The following PAQR5 variants were observed in gnomAD, a reference collection of about 807,000 sequenced individuals.
The protein encoded by PAQR5 is membrane progestin receptor gamma.
PAQR5 carries 20 observed loss-of-function variants against 34.5 expected under a neutral mutation model. The ratio of observed to expected loss-of-function variants is 0.58; its 90% CI spans 0.41 to 0.84. PAQR5 has a LOEUF of 0.84. Ranked by LOEUF, PAQR5 falls within the 40% of genes least tolerant of loss-of-function variation. The probability of loss-of-function intolerance (pLI) is 0.00; values close to 1 mark genes in which losing one functional copy is unlikely to be tolerated. For missense variants in PAQR5, 378 were observed against 412.7 expected, an observed-to-expected ratio of 0.92 and a Z score of 0.73; for synonymous variants, 131 against 155.6, an observed-to-expected ratio of 0.84 and a Z score of 1.18.
In PAQR5 at chr15:69,360,668, C is replaced by T. The variant is rs185879276; in HGVS notation, c.51+537C>T. On this transcript the variant is annotated intron_variant, in intron 3 of 8. Transcript: ENST00000395407. ...GAAATATGTGAGACTCACTGATGAT[C>T]TGCTTTACTAAGCCATAGGTGAGCC... is the stretch of plus-strand genomic sequence containing the variant. Among the ~76,000 whole-genome samples, 68 of 152,340 alleles carry T rather than the reference C, an allele frequency of 4.5e-4. 2 individuals are homozygous for T. The East Asian group carries it at 0.012, about 26-fold the overall frequency.
At chr15:69,315,943 C>G (rs1333030145) in intron 1 of PAQR5, among the ~76,000 whole-genome samples, 1 of 152,148 alleles carries the variant, frequency 6.6e-6, no homozygotes, top group East Asian at 1.9e-4. Flanking sequence ...CAAGGCCAGC[C>G]TGGAGCCTCA....
At chr15:69,313,774 G>A (rs1464003469) in intron 1 of PAQR5, among the ~76,000 whole-genome samples, 1 of 152,112 alleles carries the variant, frequency 6.6e-6, no homozygotes, top group Non-Finnish European at 1.5e-5. Flanking sequence ...GGGTGGGGGG[G>A]TGACAGGTGA....
intron 1 of PAQR5, among the ~76,000 whole-genome samples, chr15:69,329,452 A>C (rs976020505): frequency 1.0e-5 from 1 of 95,854 alleles, no homozygotes; most frequent in Non-Finnish European, 2.2e-5. Flanking sequence ...ACCTAAATTT[A>C]TTTTTTCTTT....
chr15:69,367,639 G>A (rs1053746469), intron 3 of PAQR5, among the ~76,000 whole-genome samples: 1 of 152,190 alleles, frequency 6.6e-6, no homozygotes, highest in African/African-American at 2.4e-5. Context: ...CAGAAACTAG[G>A]CAGGGCTGGG....
At chr15:69,315,105 T>C (rs898190013) in intron 1 of PAQR5, among the ~76,000 whole-genome samples, 4 of 152,030 alleles carry the variant, frequency 2.6e-5, no homozygotes, top group Admixed American at 1.3e-4. Context: ...CCCTTGGGCT[T>C]CCCAGGGGAC....
At position 69,397,561 on chromosome 15, in the gene PAQR5, C is replaced by G; in HGVS notation, c.606C>G (p.Tyr202Ter). 1 of 1,595,882 alleles carries G rather than the reference C, an allele frequency of 6.3e-7. No individual in the cohort carries two copies. The highest frequency in any genetic ancestry group is 8.6e-7 in the Non-Finnish European group (1 of 1,163,332). ...CCTGGGACTCCCTCCCCATCTTCTA[C>G]AGGGTAAGGACTGGCTGCATCTCCT... The part of the protein sequence containing the change: ...PYTWDSLPIF[Y>*]RLFLFPGESA... The change falls in exon 7 of 9, where the codon TAC becomes TAG. Residue 202 changes from tyrosine (Y) to a stop codon, truncating the protein, a stop_gained. Coordinates refer to ENST00000395407, the MANE Select transcript of PAQR5 (RefSeq NM_017705.4). LOFTEE classifies it high-confidence loss of function.
intron 1 of PAQR5, among the ~76,000 whole-genome samples, chr15:69,329,554 G>A (rs1314801136): frequency 7.8e-6 from 1 of 127,708 alleles, no homozygotes; most frequent in African/African-American, 3.0e-5. Flanking sequence ...GTGCAATCTT[G>A]GCTCACTGCA....
At chr15:69,394,425 A>C (rs2056357564) in intron 6 of PAQR5, among the ~76,000 whole-genome samples, 1 of 152,150 alleles carries the variant, frequency 6.6e-6, no homozygotes, top group Non-Finnish European at 1.5e-5. Context: ...CTACACAATA[A>C]AACAACCATA....
In PAQR5 at chr15:69,407,012, A is replaced by C. The variant is rs1338697105; in HGVS notation, c.*3190A>C. ...TTCCCCCTGCTGCCCCGCCCAGTAG[A>C]AACTTGCTCATATGAGAGGTTCTGA... On this transcript the variant is annotated 3_prime_UTR_variant, in exon 9 of 9. Transcript: ENST00000395407. The C allele has an allele frequency of 6.6e-6, 1 of 152,422 alleles. No individual in the cohort carries two copies. The highest frequency in any genetic ancestry group is 2.4e-5 in the African/African-American group (1 of 41,472). 9.4% of individuals were successfully genotyped at this position (152,422 alleles called of 1,614,324 possible).
intron 7 of PAQR5, among the ~76,000 whole-genome samples, chr15:69,397,981 G>T (rs1567043352): frequency 6.6e-6 from 1 of 152,208 alleles, no homozygotes; most frequent in Non-Finnish European, 1.5e-5. Context: ...GCCTGGGGCT[G>T]AGTGGAGTGA....
Position 69,404,136 on chromosome 15 carries a change from T to C in PAQR5, c.*314T>C, listed in dbSNP as rs188100327. The C allele has an allele frequency of 4.3e-4, 120 of 279,238 alleles. No individual in the cohort carries two copies. Among genetic ancestry groups the C allele is most frequent in the Non-Finnish European group, 6.6e-4 (96 of 146,532 alleles). The allele number at this position is 279,238 out of a possible 1,614,324, so 17.3% of individuals were successfully genotyped here. On this transcript the variant is annotated 3_prime_UTR_variant, in exon 9 of 9. Transcript: ENST00000395407. ...TCTATTTAAACATTTGGATTAAGCA[T>C]ATTACTCTGGAGCTTTGTATTATTC... is the stretch of plus-strand genomic sequence containing the variant.
Position 69,360,016 on chromosome 15 carries a change from C to A in PAQR5, c.-65C>A. ...AGAGACGCCCCAGGCCATGTTAGAG[C>A]TTTGAGTGAGGCCTGGTAACAGGGA... On this transcript the variant is annotated 5_prime_UTR_variant, in exon 3 of 9. Transcript: ENST00000395407. The A allele has an allele frequency of 7.6e-7, 1 of 1,318,056 alleles. No individual in the cohort carries two copies. The highest frequency in any genetic ancestry group is 1.5e-5 in the African/African-American group (1 of 68,898). 81.6% of individuals were successfully genotyped at this position (1,318,056 alleles called of 1,614,324 possible).
Position 69,300,916 on chromosome 15 carries a change from T to TTC in PAQR5, c.-277+1860_-277+1861insTC, listed in dbSNP as rs2053574456. Among the ~76,000 whole-genome samples, 2 of 9,992 alleles carry TTC rather than the reference T, an allele frequency of 2.0e-4. 1 individual carries two copies. Among genetic ancestry groups the TTC allele is most frequent in the Non-Finnish European group, 9.0e-4 (2 of 2,226 alleles). The allele number at this position is 9,992 out of a possible 152,430, so 6.6% of individuals were successfully genotyped here. A position where few individuals can be genotyped will look rare whatever the true frequency, so the allele number is the denominator to read the frequency against. On this transcript the variant is annotated intron_variant, in intron 1 of 8. Coordinates refer to ENST00000395407, the MANE Select transcript of PAQR5 (RefSeq NM_017705.4). ...TTCTTCCTTCCTTCCTTCCTTCCTT[T>TTC]CTCTCTCTCTCTCTCTCTCTCTCTT...
intron 3 of PAQR5, 44 bp downstream of exon 3, chr15:69,360,175 C>T: frequency 6.6e-7 from 1 of 1,517,000 alleles, no homozygotes; most frequent in Non-Finnish European, 9.2e-7. Context: ...CAGAGTGTGA[C>T]CAGGGCTTGG....
At chr15:69,319,858 G>T (rs1439177152) in intron 1 of PAQR5, among the ~76,000 whole-genome samples, 2 of 152,174 alleles carry the variant, frequency 1.3e-5, no homozygotes, top group African/African-American at 2.4e-5. Flanking sequence ...CCTCCTCCAG[G>T]TTCCCAGCCT....
intron 2 of PAQR5, among the ~76,000 whole-genome samples, chr15:69,359,650 C>T (rs192536153): frequency 1.4e-4 from 21 of 152,008 alleles, no homozygotes; most frequent in African/African-American, 4.8e-4. Flanking sequence ...ACTACCAGGC[C>T]CAGGGTGTGG....
intron 2 of PAQR5, among the ~76,000 whole-genome samples, chr15:69,341,145 C>T (rs541080416): frequency 1.5e-4 from 23 of 152,046 alleles, no homozygotes; most frequent in Non-Finnish European, 2.8e-4. Context: ...ATAGAAACTA[C>T]GTATCCCTTA....
chr15:69,381,994 A>G lies in PAQR5; in HGVS notation c.179+1984A>G, dbSNP rs150080613. On this transcript the variant is annotated intron_variant, in intron 4 of 8. Transcript: ENST00000395407. ...GGACCTCATGCGTGGATTGTAGGCC[A>G]GGCAGACCTGGTGAAGAATTTTGAA... 1.9e-3 allele frequency among the ~76,000 whole-genome samples: 282 copies of G among 152,300 alleles called. 1 individual carries two copies. Among genetic ancestry groups the G allele is most frequent in the African/African-American group, 6.6e-3 (273 of 41,560 alleles).
At position 69,403,939 on chromosome 15, in the gene PAQR5, C is replaced by G. The variant is rs969425275; in HGVS notation, c.*117C>G. 1.8e-6 allele frequency: 2 copies of G among 1,087,238 alleles called. No individual in the cohort carries two copies. The highest frequency in any genetic ancestry group is 2.6e-6 in the Non-Finnish European group (2 of 758,936). 67.3% of individuals were successfully genotyped at this position (1,087,238 alleles called of 1,614,324 possible). On this transcript the variant is annotated 3_prime_UTR_variant, in exon 9 of 9. Coordinates refer to ENST00000395407, the MANE Select transcript of PAQR5 (RefSeq NM_017705.4). ...CTAAAATATTCATAATGGTTGGTGT[C>G]TTTTGAATGAATTCATGTCAAAAAT...
Sources: allele counts gnomAD v4.1 joint callset (sites outside exome capture counted in the v4.1 genomes callset), GRCh38; gene constraint gnomAD v4.1.1; transcripts MANE v1.5; gene names NCBI Gene and HGNC (gene_info 2026-07-23, HGNC 2026-07-21).